Variants in ANKRD26 observed in about 807,000 individuals in gnomAD.
ANKRD26 encodes the protein ankyrin repeat domain-containing protein 26.
In ANKRD26, 141 loss-of-function variants were observed where a neutral mutation model predicts 208.7. The observed-to-expected ratio is 0.68, with a 90% CI of 0.59 to 0.78. The LOEUF (loss-of-function observed/expected upper bound fraction) is 0.78. Ranked by LOEUF, ANKRD26 falls within the 30% of genes least tolerant of loss-of-function variation. ANKRD26 has a pLI of 0.00. For missense variants in ANKRD26, 1,889 were observed against 1,938.7 expected (o/e 0.97, Z 0.48); for synonymous variants, 636 against 660.4 (o/e 0.96, Z 0.57).
At chr10:26,995,241 G>A in intron 4 of ANKRD26, 1 of 465,064 alleles carries the variant, frequency 2.2e-6, no homozygotes, top group Non-Finnish European at 4.5e-6. Flanking sequence ...CCTATTGACA[G>A]GTGTTGAGTT....
At chr10:26,961,554 G>A in the ANKRD26 span, among the ~76,000 whole-genome samples, 1 of 152,094 alleles carries the variant, frequency 6.6e-6, no homozygotes, top group Admixed American at 6.5e-5. Context: ...GTATAAACTG[G>A]GGAGTATTGG....
intron 32 of ANKRD26, among the ~76,000 whole-genome samples, chr10:27,009,988 T>C (rs1474837426): frequency 2.0e-5 from 3 of 152,216 alleles, no homozygotes; most frequent in African/African-American, 7.2e-5. Context: ...TTTCAAACTA[T>C]GTCCCACAGA....
In ANKRD26 at chr10:27,100,351, A is replaced by G. The variant is rs775772823; in HGVS notation, c.-25T>C. On this transcript the variant is annotated 5_prime_UTR_variant, in exon 1 of 34. Transcript: ENST00000376087. Reference sequence around the variant, plus strand: ...TGGCCCAGGCGACCGGGCTTCAGAGACACCTCATGTCTCTCTCGGCTCTTA... The same window carrying G: ...TGGCCCAGGCGACCGGGCTTCAGAGGCACCTCATGTCTCTCTCGGCTCTTA... 6.2e-7 allele frequency: 1 copy of G among 1,604,142 alleles called. No individual in the cohort carries two copies. The highest frequency in any genetic ancestry group is 8.5e-7 in the Non-Finnish European group (1 of 1,179,760).
chr10:27,055,759 T>A (rs2054817490), intron 15 of ANKRD26, among the ~76,000 whole-genome samples: 1 of 152,168 alleles, frequency 6.6e-6, no homozygotes. Context: ...TCTCAATGAT[T>A]CCCACTAATA....
At chr10:27,044,085 T>G in intron 19 of ANKRD26, 72 bp downstream of exon 19, 1 of 1,158,208 alleles carries the variant, frequency 8.6e-7, no homozygotes, top group South Asian at 1.5e-5. Context: ...TGAGCCACTG[T>G]GCCCAGCCCA....
chr10:26,985,740 C>T (rs2052375819), intron 3 of ANKRD26, among the ~76,000 whole-genome samples: 1 of 152,144 alleles, frequency 6.6e-6, no homozygotes, highest in Admixed American at 6.5e-5. Flanking sequence ...GTTAAATATC[C>T]TCTCTCCTTC....
chr10:26,951,019 C>CTTTTTTTTTTTTTT, the ANKRD26 span, among the ~76,000 whole-genome samples: 10 of 48,580 alleles, frequency 2.1e-4, no homozygotes, highest in African/African-American at 3.9e-4. Flanking sequence ...TTTTCTTTTT[C>CTTTTTTTTTTTTTT]TTTTTTTTTT....
chr10:27,062,191 C>T lies in ANKRD26; in HGVS notation c.1364-949G>A, dbSNP rs114504912. The stretch of plus-strand genomic sequence containing the variant: ...TTTTTATGGAACATTCTCAGCACTT[C>T]TTTCCTCTTCATTTAACAATAGTTA... On this transcript the variant is annotated intron_variant, in intron 12 of 33. Coordinates refer to ENST00000376087, the MANE Select transcript of ANKRD26 (RefSeq NM_014915.3). 2,590 of 982,534 alleles carry T rather than the reference C, an allele frequency of 2.6e-3. 56 individuals carry two copies. In the African/African-American group the frequency reaches 0.041, roughly 16 times the overall value. 60.9% of individuals were successfully genotyped at this position (982,534 alleles called of 1,614,324 possible).
downstream of ANKRD26, among the ~76,000 whole-genome samples, chr10:27,002,682 A>G (rs34321267): frequency 0.082 from 12,427 of 152,308 alleles, 728 homozygotes; most frequent in East Asian, 0.28. Context: ...TGTAGGGTCT[A>G]TGGTCATAAC....
chr10:26,954,547 A>C, the ANKRD26 span, among the ~76,000 whole-genome samples: 1 of 152,322 alleles, frequency 6.6e-6, no homozygotes, highest in Admixed American at 6.5e-5. Context: ...TCTTAAAAAA[A>C]AAATCCTGCT....
At chr10:27,066,810 A>C (rs1042767036) in intron 10 of ANKRD26, among the ~76,000 whole-genome samples, 1 of 143,932 alleles carries the variant, frequency 6.9e-6, no homozygotes, top group African/African-American at 2.6e-5. Context: ...CTTAGAATAG[A>C]TTTTTTTTTT....
chr10:26,983,255 C>T (rs1212683143), intron 3 of ANKRD26, among the ~76,000 whole-genome samples: 1 of 152,076 alleles, frequency 6.6e-6, no homozygotes, highest in South Asian at 2.1e-4. Flanking sequence ...AGTAATCATA[C>T]CATTGGAATA....
downstream of ANKRD26, among the ~76,000 whole-genome samples, chr10:26,968,959 G>A (rs188847206): frequency 1.3e-5 from 2 of 152,294 alleles, no homozygotes; most frequent in Admixed American, 1.3e-4. Context: ...CCCTGGATCC[G>A]AAGTTAATTT....
At chr10:27,054,402 T>C (rs945755657) in intron 15 of ANKRD26, among the ~76,000 whole-genome samples, 1 of 151,908 alleles carries the variant, frequency 6.6e-6, no homozygotes, top group Admixed American at 6.6e-5. Flanking sequence ...CTGGCCAACA[T>C]GATGAAATGC....
At chr10:26,970,773 A>G (rs991547550), downstream of ANKRD26, among the ~76,000 whole-genome samples, 6 of 152,052 alleles carry the variant, frequency 3.9e-5, no homozygotes, top group Non-Finnish European at 7.4e-5. Flanking sequence ...TTCCGTATAC[A>G]CTCTCGCCCG....
At chr10:27,087,759 A>G (rs1220820285) in intron 4 of ANKRD26, among the ~76,000 whole-genome samples, 2 of 152,232 alleles carry the variant, frequency 1.3e-5, no homozygotes, top group Non-Finnish European at 2.9e-5. Context: ...CTTCATGTTC[A>G]TCATTCCAAC....
chr10:27,006,141 C>T (rs946876021), intron 33 of ANKRD26, among the ~76,000 whole-genome samples: 3 of 152,178 alleles, frequency 2.0e-5, no homozygotes, highest in East Asian at 1.9e-4. Flanking sequence ...GGACACCTAT[C>T]CCAGTTCTGA....
downstream of ANKRD26, among the ~76,000 whole-genome samples, chr10:27,001,765 T>G (rs11015446): frequency 0.2 from 30,394 of 152,118 alleles, 3,638 homozygotes; most frequent in East Asian, 0.56. Flanking sequence ...TGGCACAATT[T>G]CCGGCATTCA....
chr10:26,959,643 T>C, the ANKRD26 span, among the ~76,000 whole-genome samples: 1 of 118,582 alleles, frequency 8.4e-6, no homozygotes, highest in Non-Finnish European at 1.6e-5. Context: ...TCGAATGCAC[T>C]TTTTTTTTTT....
Sources: allele counts gnomAD v4.1 joint callset (sites outside exome capture counted in the v4.1 genomes callset), GRCh38; gene constraint gnomAD v4.1.1; transcripts MANE v1.5; gene names NCBI Gene and HGNC (gene_info 2026-07-23, HGNC 2026-07-21).